The following SHISA7 variants were observed in gnomAD, a reference collection of about 807,000 sequenced individuals.
SHISA7 encodes protein shisa-7.
SHISA7 carries 6 observed loss-of-function variants against 23.9 expected under a neutral mutation model. The observed-to-expected ratio is 0.25, with a 90% CI of 0.14 to 0.50. The LOEUF is 0.50. Among genes scored for constraint, SHISA7 ranks in the 20% least tolerant of loss-of-function variants. The pLI is 0.98. For missense variants in SHISA7, 671 were observed against 801.1 expected (o/e 0.84, Z 1.96); for synonymous variants, 386 against 398.3 (o/e 0.97, Z 0.37).
rs1044226103 is a variant in SHISA7, at chr19:55,429,511, G to T, written c.*3645C>A. On this transcript the variant is annotated 3_prime_UTR_variant, in exon 4 of 4. Transcript: ENST00000376325. Reference sequence around the variant, plus strand: ...GGGTAACCCCCATTTCCTCAGTGTGGTGGGAACCAAGGGCCAGTTGTCTGC... The same window carrying T: ...GGGTAACCCCCATTTCCTCAGTGTGTTGGGAACCAAGGGCCAGTTGTCTGC... The T allele has an allele frequency of 6.6e-6, 1 of 152,234 alleles. No individual in the cohort carries two copies. Among genetic ancestry groups the T allele is most frequent in the Non-Finnish European group, 1.5e-5 (1 of 68,120 alleles). 9.4% of individuals were successfully genotyped at this position (152,234 alleles called of 1,614,324 possible). A position where few individuals can be genotyped will look rare whatever the true frequency, so the allele number is the denominator to read the frequency against.
chr19:55,436,079 G>A (rs1241962214), intron 3 of SHISA7, among the ~76,000 whole-genome samples: 1 of 152,064 alleles, frequency 6.6e-6, no homozygotes, highest in Non-Finnish European at 1.5e-5. Flanking sequence ...CTGAGGTCAG[G>A]AGTTCGAGAC....
Position 55,442,178 on chromosome 19 carries a change from C to T in SHISA7, c.671+15G>A, listed in dbSNP as rs772419268. On this transcript the variant is annotated intron_variant, in intron 1 of 3. Coordinates refer to ENST00000376325, the MANE Select transcript of SHISA7 (RefSeq NM_001145176.2). ...GCCCCAGGCTCGCAGTCCTCCCGCC[C>T]GAGAGCACACGCACCTGGGCACGTT... 7.2e-6 allele frequency: 11 copies of T among 1,528,590 alleles called. No homozygotes were observed. The highest frequency in any genetic ancestry group is 1.2e-5 in the South Asian group (1 of 83,706). 94.7% of individuals were successfully genotyped at this position (1,528,590 alleles called of 1,614,324 possible).
In SHISA7 at chr19:55,442,348, A is replaced by G. The variant is rs933804124; in HGVS notation, c.516T>C (p.Gly172=). ...GGCCCTCGCCCCCGCGGCCCCCGGCACCCCCAGTCCGGCCCCCTTCCAACC... is the reference window on the plus strand; with the variant it reads ...GGCCCTCGCCCCCGCGGCCCCCGGCGCCCCCAGTCCGGCCCCCTTCCAACC... ...AGWLEGGRTG[G]AGGRGGEGPG... is the part of the protein sequence containing the mutation. Residue 172 remains glycine (G), a synonymous_variant, in exon 1 of 4, where the codon GGT becomes GGC. Coordinates refer to ENST00000376325, the MANE Select transcript of SHISA7 (RefSeq NM_001145176.2). 5.5e-6 allele frequency: 8 copies of G among 1,450,312 alleles called. No individual in the cohort carries two copies. The African/African-American group carries it at 1.1e-4, about 19-fold the overall frequency. The allele number at this position is 1,450,312 out of a possible 1,614,324, so 89.8% of individuals were successfully genotyped here. A position where few individuals can be genotyped will look rare whatever the true frequency, so the allele number is the denominator to read the frequency against.
chr19:55,439,454 G>C (rs1473119396), intron 2 of SHISA7, among the ~76,000 whole-genome samples: 3 of 152,124 alleles, frequency 2.0e-5, no homozygotes, highest in Non-Finnish European at 4.4e-5. Flanking sequence ...CAGAGGACCG[G>C]TTCTACCACC....
Position 55,433,318 on chromosome 19 carries a change from C to T in SHISA7, c.1455G>A (p.Ser485=), listed in dbSNP as rs1470462829. ...CGTCGGACATCCAGGCCGGCTGCGG[C>T]GAGCCGTGCAGGGCGTGGTGGTGGT... ...HAHHHHALHG[S]PQPAWMSDAG... is the part of the protein sequence containing the mutation. Residue 485 remains serine, a synonymous_variant, in exon 4 of 4, where the codon TCG becomes TCA. Transcript: ENST00000376325. This position sits in a 1 kb window ranked among gnomAD's most constrained non-coding sequence, Gnocchi z 8.4. The T allele has an allele frequency of 1.4e-6, 2 of 1,481,032 alleles. No homozygotes were observed. Among genetic ancestry groups the T allele is most frequent in the East Asian group, 2.7e-5 (1 of 36,532 alleles). 91.7% of individuals were successfully genotyped at this position (1,481,032 alleles called of 1,614,324 possible).
intron 3 of SHISA7, among the ~76,000 whole-genome samples, chr19:55,436,569 C>T (rs934491137): frequency 6.6e-6 from 1 of 150,984 alleles, no homozygotes; most frequent in Non-Finnish European, 1.5e-5. Context: ...TGCCACTGCT[C>T]TCCAGCCTGA....
At chr19:55,434,567 T>G (rs1203625489) in intron 3 of SHISA7, among the ~76,000 whole-genome samples, 1 of 109,328 alleles carries the variant, frequency 9.1e-6, no homozygotes, top group African/African-American at 3.7e-5. Flanking sequence ...GTGTGTGGTG[T>G]GTGTGTATGG....
Position 55,433,194 on chromosome 19 carries a change from G to T in SHISA7, c.1579C>A (p.His527Asn), listed in dbSNP as rs1448097352. Reference sequence around the variant, plus strand: ...TCGTTCTTGCTGGCCGTGCGCAGGTGCTGGGGCAGGTGGTGGCCCGGGATG... The same window carrying T: ...TCGTTCTTGCTGGCCGTGCGCAGGTTCTGGGGCAGGTGGTGGCCCGGGATG... ...QFIPGHHLPQ[H>N]LRTASKNEVT... The change falls in exon 4 of 4, where the codon CAC becomes AAC. Residue 527 changes from histidine to asparagine, a missense_variant. Physicochemically the swap from His to Asn is moderately conservative, Grantham distance 68. Around this residue, in one of 5 missense-constraint regions of SHISA7, gnomAD observed 457 missense variants for 488.3 expected, o/e 0.94. Coordinates refer to ENST00000376325, the MANE Select transcript of SHISA7 (RefSeq NM_001145176.2). The surrounding 1 kb of genome is among the most constrained non-coding windows in gnomAD (Gnocchi z 8.4). 1 of 1,529,504 alleles carries T rather than the reference G, an allele frequency of 6.5e-7. No individual in the cohort carries two copies. Among genetic ancestry groups the T allele is most frequent in the African/African-American group, 1.4e-5 (1 of 71,156 alleles). 94.7% of individuals were successfully genotyped at this position (1,529,504 alleles called of 1,614,324 possible).
chr19:55,431,235 T>A lies in SHISA7; in HGVS notation c.*1921A>T, dbSNP rs983508646. 2 of 152,144 alleles carry A rather than the reference T, an allele frequency of 1.3e-5. No homozygotes were observed. The highest frequency in any genetic ancestry group is 1.3e-4 in the Admixed American group (2 of 15,272). 9.4% of individuals were successfully genotyped at this position (152,144 alleles called of 1,614,324 possible). Reference sequence around the variant, plus strand: ...TCCCTGCAAATGATGATGACACTATTGGGCATCATGGGTCTTGGGAGGTGA... The same window carrying A: ...TCCCTGCAAATGATGATGACACTATAGGGCATCATGGGTCTTGGGAGGTGA... On this transcript the variant is annotated 3_prime_UTR_variant, in exon 4 of 4. Transcript: ENST00000376325.
Position 55,442,426 on chromosome 19 carries a change from G to A in SHISA7, c.438C>T (p.Gly146=), listed in dbSNP as rs1363874622. ...WATTPPPLAG[G]AGGAGGAGGG... ...CGCCCGCACCCCCAGCGCCCCCGGC[G>A]CCCCCAGCTAGCGGCGGCGGCGTGG... is the stretch of plus-strand genomic sequence containing the variant. Residue 146 remains glycine (G), a synonymous_variant, in exon 1 of 4, where the codon GGC becomes GGT. Transcript: ENST00000376325. 5 of 1,410,668 alleles carry A rather than the reference G, an allele frequency of 3.5e-6. No individual in the cohort carries two copies. Among genetic ancestry groups the A allele is most frequent in the South Asian group, 1.4e-5 (1 of 71,496 alleles). The allele number at this position is 1,410,668 out of a possible 1,614,324, so 87.4% of individuals were successfully genotyped here. A position where few individuals can be genotyped will look rare whatever the true frequency, so the allele number is the denominator to read the frequency against.
At chr19:55,438,328 T>G (rs1420227664) in intron 2 of SHISA7, among the ~76,000 whole-genome samples, 2 of 152,182 alleles carry the variant, frequency 1.3e-5, no homozygotes, top group African/African-American at 2.4e-5. Flanking sequence ...CAGCACCCAC[T>G]GAGTGCCTGG....
intron 3 of SHISA7, among the ~76,000 whole-genome samples, chr19:55,436,370 C>T (rs144058564): frequency 0.011 from 1,718 of 150,280 alleles, 31 homozygotes; most frequent in African/African-American, 0.04. Context: ...TTTGGGAGGC[C>T]GATGTGGGTG....
chr19:55,437,577 C>G, intron 3 of SHISA7, 28 bp downstream of exon 3: 3 of 1,546,520 alleles, frequency 1.9e-6, no homozygotes, highest in Non-Finnish European at 2.6e-6. Context: ...CTCCCCTTCA[C>G]CGCCGCGCTG....
At chr19:55,434,005 C>A (rs975898158) in intron 3 of SHISA7, among the ~76,000 whole-genome samples, 1 of 152,090 alleles carries the variant, frequency 6.6e-6, no homozygotes, top group Admixed American at 6.5e-5. Flanking sequence ...CTTCTTCCCC[C>A]CCGCGCCGCC....
At chr19:55,439,335 C>T (rs1985540972) in intron 2 of SHISA7, among the ~76,000 whole-genome samples, 3 of 152,178 alleles carry the variant, frequency 2.0e-5, no homozygotes, top group Non-Finnish European at 4.4e-5. Context: ...TGTCTCTTCT[C>T]CTCTCCACCC....
Position 55,442,914 on chromosome 19 carries a change from GC to G in SHISA7, c.-52del. 8.5e-7 allele frequency: 1 copy of G among 1,180,082 alleles called. No individual in the cohort carries two copies. Among genetic ancestry groups the G allele is most frequent in the Non-Finnish European group, 1.1e-6 (1 of 945,090 alleles). The allele number at this position is 1,180,082 out of a possible 1,614,324, so 73.1% of individuals were successfully genotyped here. ...CCGCCAGGCTGCGGGGAGAACGAGA[GC>G]AGAGGTTGGAGCGCTGGGCGGGAGA... On this transcript the variant is annotated 5_prime_UTR_variant, in exon 1 of 4. Transcript: ENST00000376325.
chr19:55,438,672 C>G, intron 2 of SHISA7: 1 of 1,292,926 alleles, frequency 7.7e-7, no homozygotes, highest in East Asian at 5.6e-5. Context: ...ATCACTGACT[C>G]CCAGCTGGCA....
intron 2 of SHISA7, 33 bp downstream of exon 2, chr19:55,440,578 C>G (rs116986010): frequency 0.028 from 35,311 of 1,249,242 alleles, 560 homozygotes; most frequent in Non-Finnish European, 0.031. Flanking sequence ...TGGCCAGAGA[C>G]GGAGGCTGCG....
intron 3 of SHISA7, among the ~76,000 whole-genome samples, chr19:55,435,407 G>GTT (rs561550215): frequency 1.8e-5 from 2 of 113,160 alleles, no homozygotes; most frequent in Middle Eastern, 4.8e-3. Context: ...GTGGGTGTGT[G>GTT]TTGTGTGTGT....
Sources: gnomAD v4.1 joint callset for allele counts (sites outside exome capture counted in the v4.1 genomes callset) on GRCh38, gnomAD v4.1.1 for gene constraint, gnomAD v4.1.1 regional missense constraint, Gnocchi (gnomAD v3.1) non-coding constraint, MANE v1.5 for transcripts, NCBI Gene and HGNC (gene_info 2026-07-23, HGNC 2026-07-21) for gene names.